Variants in IL1RAPL2 observed in about 807,000 individuals in gnomAD.
IL1RAPL2 encodes X-linked interleukin-1 receptor accessory protein-like 2.
IL1RAPL2 carries 3 observed loss-of-function variants against 44.1 expected under a neutral mutation model. The observed-to-expected ratio is 0.07, with a 90% CI of 0.03 to 0.18. IL1RAPL2 has a LOEUF of 0.18. Ranked by LOEUF, IL1RAPL2 falls within the 10% of genes least tolerant of loss-of-function variation. IL1RAPL2 has a pLI of 1.00. For synonymous variants in IL1RAPL2, 181 were observed against 178.8 expected, an observed-to-expected ratio of 1.01 and a Z score of -0.10; for missense variants, 391 against 496.4, an observed-to-expected ratio of 0.79 and a Z score of 2.02.
chrX:105,144,130 TG>T (rs2033156776), intron 2 of IL1RAPL2, among the ~76,000 whole-genome samples: 1 of 106,288 alleles, frequency 9.4e-6, no homozygotes, highest in Admixed American at 1.0e-4. Context: ...TGTGTGTGTG[TG>T]TGTGTGTGTG....
chrX:104,623,433 A>G (rs1469308727), intron 1 of IL1RAPL2, among the ~76,000 whole-genome samples: 1 of 111,156 alleles, frequency 9.0e-6, no homozygotes, highest in Non-Finnish European at 1.9e-5. Flanking sequence ...TTAAGAGTCG[A>G]TTGTGTACAT....
chrX:104,985,094 A>AT (rs201801954), intron 2 of IL1RAPL2, among the ~76,000 whole-genome samples: 32 of 103,353 alleles, frequency 3.1e-4, no homozygotes, highest in Middle Eastern at 4.9e-3. Context: ...ATTTTTCTTT[A>AT]TTTTTTTTTT....
At chrX:105,504,779 C>T (rs2036419743) in intron 6 of IL1RAPL2, among the ~76,000 whole-genome samples, 1 of 111,597 alleles carries the variant, frequency 9.0e-6, no homozygotes, top group African/African-American at 3.3e-5. Flanking sequence ...AATTTAGTTT[C>T]TAGATTCTTC....
intron 2 of IL1RAPL2, among the ~76,000 whole-genome samples, chrX:104,925,997 C>A (rs932587255): frequency 8.9e-6 from 1 of 112,157 alleles, no homozygotes; most frequent in Admixed American, 9.5e-5. Context: ...TCAGCAGTTT[C>A]GAGATACAAA....
At chrX:105,687,659 G>A (rs2037994082) in intron 6 of IL1RAPL2, among the ~76,000 whole-genome samples, 1 of 111,522 alleles carries the variant, frequency 9.0e-6, no homozygotes, top group Admixed American at 9.5e-5. Context: ...AGAGGAGCTG[G>A]TATCATTCCT....
intron 2 of IL1RAPL2, among the ~76,000 whole-genome samples, chrX:104,815,200 C>T (rs58000904): frequency 0.023 from 2,584 of 111,487 alleles, 81 homozygotes; most frequent in African/African-American, 0.08. Context: ...TTTCCTATTG[C>T]TGCTGTAACA....
intron 2 of IL1RAPL2, among the ~76,000 whole-genome samples, chrX:104,989,216 C>T (rs144457893): frequency 4.3e-3 from 479 of 111,307 alleles, no homozygotes; most frequent in African/African-American, 0.015. Context: ...AGGGTTTGGC[C>T]ATTCTTATTA....
chrX:105,556,123 A>T (rs1362157150), intron 6 of IL1RAPL2, among the ~76,000 whole-genome samples: 1 of 111,845 alleles, frequency 8.9e-6, no homozygotes, highest in Non-Finnish European at 1.9e-5. Context: ...TGTGCCTTAC[A>T]TGAAAGAGCT....
chrX:104,592,923 C>T, intron 1 of IL1RAPL2, among the ~76,000 whole-genome samples: 1 of 111,588 alleles, frequency 9.0e-6, no homozygotes, highest in Non-Finnish European at 1.9e-5. Flanking sequence ...TGTTTTCTAG[C>T]CACTGAAAAG....
Position 105,483,335 on chromosome X carries a change from A to C in IL1RAPL2, c.698-978A>C, listed in dbSNP as rs1396868091. ...ATCTATCTAGTTTCATTTTTAATTCATGGTGCTCACAAAACCCCTTCTCAT... is the reference window on the plus strand; with the variant it reads ...ATCTATCTAGTTTCATTTTTAATTCCTGGTGCTCACAAAACCCCTTCTCAT... On this transcript the variant is annotated intron_variant, in intron 5 of 10. Transcript: ENST00000372582. 2.7e-5 allele frequency among the ~76,000 whole-genome samples: 3 copies of C among 111,465 alleles called. No homozygotes were observed. The East Asian group carries it at 8.4e-4, about 31-fold the overall frequency.
At chrX:104,989,693 A>G (rs1416752325) in intron 2 of IL1RAPL2, among the ~76,000 whole-genome samples, 1 of 111,560 alleles carries the variant, frequency 9.0e-6, no homozygotes, top group Non-Finnish European at 1.9e-5. Flanking sequence ...CTCTGGATTT[A>G]TCAACTCCAA....
intron 2 of IL1RAPL2, among the ~76,000 whole-genome samples, chrX:104,850,206 AT>A (rs201764906): frequency 1.0e-4 from 11 of 109,415 alleles, no homozygotes; most frequent in Admixed American, 2.0e-4. Context: ...TGGTAGTTGG[AT>A]TTTTTTTTTA....
At chrX:105,374,879 C>T (rs1280973757) in intron 5 of IL1RAPL2, among the ~76,000 whole-genome samples, 2 of 98,296 alleles carry the variant, frequency 2.0e-5, no homozygotes, top group South Asian at 4.9e-4. Flanking sequence ...ACCCGGTAGA[C>T]GGAGCTTGCA....
chrX:105,182,644 T>C (rs1556131610), intron 2 of IL1RAPL2, among the ~76,000 whole-genome samples: 2 of 112,155 alleles, frequency 1.8e-5, no homozygotes, highest in Non-Finnish European at 3.8e-5. Context: ...TTATTATTGA[T>C]AAGTGAGTAT....
chrX:105,592,945 T>A (rs904660298), intron 6 of IL1RAPL2, among the ~76,000 whole-genome samples: 6 of 111,845 alleles, frequency 5.4e-5, no homozygotes, highest in African/African-American at 1.9e-4. Flanking sequence ...ACAAGGATTC[T>A]CTGCATTTCT....
At chrX:104,704,054 C>A (rs1931324007) in intron 2 of IL1RAPL2, among the ~76,000 whole-genome samples, 1 of 111,793 alleles carries the variant, frequency 8.9e-6, no homozygotes, top group Non-Finnish European at 1.9e-5. Flanking sequence ...AAGAGGTAGA[C>A]TACTCCTAAT....
intron 6 of IL1RAPL2, among the ~76,000 whole-genome samples, chrX:105,613,713 G>A (rs1162177057): frequency 8.9e-6 from 1 of 111,884 alleles, no homozygotes; most frequent in African/African-American, 3.3e-5. Context: ...CTCTCCATGG[G>A]CCTGTGGTGG....
chrX:104,901,335 C>T (rs1181761073), intron 2 of IL1RAPL2, among the ~76,000 whole-genome samples: 4 of 105,467 alleles, frequency 3.8e-5, no homozygotes, highest in Admixed American at 1.0e-4. Flanking sequence ...CTCAGCCTCG[C>T]GAGTAGCTGG....
chrX:104,831,422 G>T (rs1921603199), intron 2 of IL1RAPL2, among the ~76,000 whole-genome samples: 1 of 111,472 alleles, frequency 9.0e-6, no homozygotes, highest in African/African-American at 3.3e-5. Context: ...ACTGTATGAG[G>T]TAGAATATCA....
Sources: gnomAD v4.1 joint callset for allele counts (sites outside exome capture counted in the v4.1 genomes callset) on GRCh38, gnomAD v4.1.1 for gene constraint, MANE v1.5 for transcripts, NCBI Gene and HGNC (gene_info 2026-07-23, HGNC 2026-07-21) for gene names.